Variants in SH3GLB2 observed in about 807,000 individuals in gnomAD.
SH3GLB2 encodes the protein SH3 domain containing GRB2 like, endophilin B2.
Under a neutral mutation model 48.0 loss-of-function variants are expected in SH3GLB2, and 24 were observed. The ratio of observed to expected loss-of-function variants is 0.50; its 90% confidence interval spans 0.36 to 0.70. SH3GLB2 has a LOEUF of 0.70. SH3GLB2 is among the 30% of genes least tolerant of loss of function. The probability of loss-of-function intolerance (pLI) is 0.00; values close to 1 mark genes in which losing one functional copy is unlikely to be tolerated. For synonymous variants in SH3GLB2, 227 were observed against 207.6 expected, an observed-to-expected ratio of 1.09 and a Z score of -0.80; for missense variants, 425 against 516.0, an observed-to-expected ratio of 0.82 and a Z score of 1.71.
Position 129,014,765 on chromosome 9 carries a change from C to T in SH3GLB2, c.468+6G>A, listed in dbSNP as rs536245411. ...CCAGGAAGCGGAATAGTCCCAGGGC[C>T]CTCACCGAGATGGTCTTCCAGTCCC... On this transcript the variant is annotated splice_donor_region_variant and intron_variant, in intron 4 of 10. Coordinates refer to ENST00000372564, the MANE Select transcript of SH3GLB2 (RefSeq NM_020145.4). The surrounding 1 kb of genome is among the most constrained non-coding windows in gnomAD (Gnocchi z 4.1). 1.4e-5 allele frequency: 22 copies of T among 1,611,550 alleles called. No individual in the cohort carries two copies. In the East Asian group the frequency reaches 4.2e-4, roughly 31 times the overall value.
rs1315873861 is a variant in SH3GLB2 at position 129,009,197 on chromosome 9, A to G, written c.989T>C (p.Val330Ala). Residue 330 changes from valine (V) to alanine (A), a missense_variant, in exon 10 of 11, where the codon GTG (valine) becomes GCG (alanine). Physicochemically the swap from Val to Ala is moderately conservative, Grantham distance 64. Coordinates refer to ENST00000372564, the MANE Select transcript of SH3GLB2 (RefSeq NM_020145.4). ...GCGGGTCCCACTGGCAGGGGGGGCC[A>G]CCTCTTCCAGGCAGAGCGAGGCCTC... ...PGEASLCLEE[V>A]APPASGTRKA... The G allele has an allele frequency of 1.2e-5, 20 of 1,610,576 alleles. No homozygotes were observed. In the East Asian group the frequency reaches 3.8e-4, roughly 31 times the overall value.
intron 1 of SH3GLB2, among the ~76,000 whole-genome samples, chr9:129,026,012 T>A (rs181307685): frequency 2.0e-4 from 31 of 152,148 alleles, no homozygotes; most frequent in African/African-American, 7.5e-4. Context: ...TGGCATCTTG[T>A]CCAAATCTGC....
chr9:129,009,421 C>A (rs866745124), intron 9 of SH3GLB2, 75 bp from the exon 10 acceptor site: 1 of 1,550,322 alleles, frequency 6.5e-7, no homozygotes. Context: ...CTCCCCAGCC[C>A]CAGGAGCCCC....
intron 1 of SH3GLB2, among the ~76,000 whole-genome samples, chr9:129,024,556 CAAA>C (rs1433422858): frequency 9.9e-6 from 1 of 101,432 alleles, no homozygotes; most frequent in Non-Finnish European, 2.1e-5. Flanking sequence ...GACTCAGTCT[CAAA>C]AAAAAAAAAA....
At chr9:129,013,879 G>C (rs984078122) in intron 5 of SH3GLB2, 12 of 371,520 alleles carry the variant, frequency 3.2e-5, no homozygotes, top group African/African-American at 2.3e-4. Context: ...GGCTGAACAG[G>C]CCTCAGTGAG....
chr9:129,010,515 C>T, intron 7 of SH3GLB2, 155 bp downstream of exon 7: 1 of 841,954 alleles, frequency 1.2e-6, no homozygotes, highest in South Asian at 1.6e-5. Flanking sequence ...CATTTCCCCA[C>T]AGAGGGGAAA....
At chr9:129,021,998 G>A (rs886435817) in intron 2 of SH3GLB2, among the ~76,000 whole-genome samples, 6 of 151,522 alleles carry the variant, frequency 4.0e-5, no homozygotes, top group Admixed American at 6.6e-5. Flanking sequence ...GACCAACCAG[G>A]TGTGTGTTTT....
rs572278319 is a variant in SH3GLB2 at position 129,008,306 on chromosome 9, G to A, written c.*378C>T. 11 of 232,020 alleles carry A rather than the reference G, an allele frequency of 4.7e-5. No homozygotes were observed. In the East Asian group the frequency reaches 1.3e-3, roughly 27 times the overall value. 14.4% of individuals were successfully genotyped at this position (232,020 alleles called of 1,614,324 possible). ...CCGCATTCCCCTGATGCAGCTTTTG[G>A]CAACTGAAAGGCAGGGCTCTCGCTG... On this transcript the variant is annotated 3_prime_UTR_variant, in exon 11 of 11. Transcript: ENST00000372564.
chr9:129,018,891 C>CAAAA (rs200724894), intron 3 of SH3GLB2, among the ~76,000 whole-genome samples: 1 of 85,170 alleles, frequency 1.2e-5, no homozygotes. Flanking sequence ...GACTCCATCT[C>CAAAA]AAAAAAAAAA....
chr9:129,019,277 A>G (rs538247290), intron 3 of SH3GLB2, among the ~76,000 whole-genome samples: 164 of 152,074 alleles, frequency 1.1e-3, no homozygotes, highest in Middle Eastern at 3.4e-3. Flanking sequence ...AATCCCAGCT[A>G]ATCAGGAGGC....
intron 1 of SH3GLB2, among the ~76,000 whole-genome samples, chr9:129,024,129 T>C (rs1843988132): frequency 1.3e-5 from 2 of 152,004 alleles, no homozygotes. Flanking sequence ...CCATCATTAA[T>C]GAAAAGCCTT....
At chr9:129,010,842 C>T (rs1427370904) in intron 6 of SH3GLB2, 149 bp from the exon 7 acceptor site, 16 of 951,982 alleles carry the variant, frequency 1.7e-5, no homozygotes, top group East Asian at 2.7e-5. Context: ...GAGACTGGGC[C>T]GAGGCCCGGC....
In SH3GLB2 at chr9:129,009,264, T is replaced by C; in HGVS notation, c.922A>G (p.Met308Val). ...CTGGCCACAGAGGGCACCACAGGCA[T>C]AGTGGCCGCAGCAGTGGTGGGTGAG... ...STSPTTAAAT[M>V]PVVPSVASLA... Residue 308 changes from methionine (M) to valine (V), a missense_variant, in exon 10 of 11, where the codon ATG becomes GTG. By Grantham distance (21) the Met-to-Val change is conservative (BLOSUM62 1). Transcript: ENST00000372564. The C allele has an allele frequency of 1.3e-6, 2 of 1,580,362 alleles. No homozygotes were observed. The highest frequency in any genetic ancestry group is 8.6e-7 in the Non-Finnish European group (1 of 1,162,618).
intron 9 of SH3GLB2, 48 bp from the exon 10 acceptor site, chr9:129,009,394 C>T (rs1172508429): frequency 1.2e-5 from 18 of 1,550,688 alleles, no homozygotes; most frequent in Non-Finnish European, 1.6e-5. Flanking sequence ...CAGAAGGGAC[C>T]CCAGAGGCAA....
chr9:129,025,258 C>T (rs1488189002), intron 1 of SH3GLB2, among the ~76,000 whole-genome samples: 3 of 109,226 alleles, frequency 2.7e-5, no homozygotes, highest in South Asian at 2.9e-4. Flanking sequence ...AGAGTGACTC[C>T]GTCTCAAAAA....
intron 5 of SH3GLB2, chr9:129,013,936 A>G (rs1391355952): frequency 2.3e-6 from 1 of 443,490 alleles, no homozygotes; most frequent in East Asian, 7.0e-5. Flanking sequence ...ATCCAATCTC[A>G]TGGGACCCCT....
rs1588339087 is a variant in SH3GLB2, at chr9:129,024,255, A to AC, written c.64-1833dup. The stretch of plus-strand genomic sequence containing the variant: ...TGGGCAACCGTGAGACCTCCTCTCT[A>AC]CAAAAAAAAAAAAAAAAAAAAAAAA... On this transcript the variant is annotated intron_variant, in intron 1 of 10. Transcript: ENST00000372564. 2.6e-5 allele frequency among the ~76,000 whole-genome samples: 3 copies of AC among 113,326 alleles called. No individual in the cohort carries two copies. In the East Asian group the frequency reaches 6.9e-4, roughly 26 times the overall value. The allele number at this position is 113,326 out of a possible 152,430, so 74.3% of individuals were successfully genotyped here. A position where few individuals can be genotyped will look rare whatever the true frequency, so the allele number is the denominator to read the frequency against.
In SH3GLB2 at chr9:129,020,541, A is replaced by G. The variant is rs1351604327; in HGVS notation, c.334+550T>C. Among the ~76,000 whole-genome samples, 5 of 147,822 alleles carry G rather than the reference A, an allele frequency of 3.4e-5. No individual in the cohort carries two copies. The Admixed American group carries it at 3.4e-4, about 10-fold the overall frequency. On this transcript the variant is annotated intron_variant, in intron 3 of 10. Coordinates refer to ENST00000372564, the MANE Select transcript of SH3GLB2 (RefSeq NM_020145.4). ...AGCTGAGATCGCACCACCGCACTCC[A>G]GCCTGGGTGATGGAGTGAAACTGTG...
intron 3 of SH3GLB2, among the ~76,000 whole-genome samples, chr9:129,020,595 C>T (rs1352382245): frequency 2.0e-5 from 3 of 151,566 alleles, no homozygotes; most frequent in East Asian, 1.9e-4. Context: ...AGGCCGGGCG[C>T]GGTGGCTCAC....
Sources: gnomAD v4.1 joint callset for allele counts (sites outside exome capture counted in the v4.1 genomes callset) on GRCh38, gnomAD v4.1.1 for gene constraint, Gnocchi (gnomAD v3.1) non-coding constraint, MANE v1.5 for transcripts, NCBI Gene and HGNC (gene_info 2026-07-23, HGNC 2026-07-21) for gene names.